The following ERBB4 variants were observed in gnomAD, a reference collection of about 807,000 sequenced individuals.
ERBB4 encodes the protein erb-b2 receptor tyrosine kinase 4.
ERBB4 carries 42 observed loss-of-function variants against 158.0 expected under a neutral mutation model. The ratio of observed to expected loss-of-function variants is 0.27; its 90% CI spans 0.21 to 0.34. The LOEUF is 0.34. Ranked by LOEUF, ERBB4 falls within the 10% of genes least tolerant of loss-of-function variation. The pLI is 1.00. For missense variants in ERBB4, 1,333 were observed against 1,624.1 expected, an observed-to-expected ratio of 0.82 and a Z score of 3.08; for synonymous variants, 583 against 558.7, an observed-to-expected ratio of 1.04 and a Z score of -0.61.
At chr2:211,673,072 C>A (rs1394981483) in intron 14 of ERBB4, 92 bp downstream of exon 14, 5 of 986,010 alleles carry the variant, frequency 5.1e-6, no homozygotes, top group Non-Finnish European at 6.5e-6. Flanking sequence ...CTGTAAGTAG[C>A]TATTGAATGG....
At chr2:212,178,567 G>A (rs1427153506) in intron 1 of ERBB4, among the ~76,000 whole-genome samples, 1 of 151,658 alleles carries the variant, frequency 6.6e-6, no homozygotes, top group Non-Finnish European at 1.5e-5. Context: ...ATTAGAGGTA[G>A]TACTGAAAAC....
At chr2:211,843,970 C>A (rs16846990) in intron 3 of ERBB4, among the ~76,000 whole-genome samples, 1 of 151,918 alleles carries the variant, frequency 6.6e-6, no homozygotes, top group African/African-American at 2.4e-5. Context: ...TCACAGAGAG[C>A]AAGAGAGGTT....
intron 20 of ERBB4, among the ~76,000 whole-genome samples, chr2:211,492,716 A>G (rs2065375159): frequency 6.6e-6 from 1 of 152,126 alleles, no homozygotes; most frequent in Non-Finnish European, 1.5e-5. Context: ...ACACTGTCAA[A>G]CTATATCTTG....
At chr2:212,079,441 T>C (rs1292437956) in intron 2 of ERBB4, among the ~76,000 whole-genome samples, 1 of 152,132 alleles carries the variant, frequency 6.6e-6, no homozygotes, top group Non-Finnish European at 1.5e-5. Context: ...CTGGAGGTAT[T>C]CATGCTTTCA....
At chr2:211,951,229 A>G (rs540085390) in intron 2 of ERBB4, among the ~76,000 whole-genome samples, 1 of 152,308 alleles carries the variant, frequency 6.6e-6, no homozygotes, top group East Asian at 1.9e-4. Flanking sequence ...AGATGGAGAA[A>G]CACATTTATA....
intron 1 of ERBB4, among the ~76,000 whole-genome samples, chr2:212,521,152 T>A (rs1338879082): frequency 6.6e-6 from 1 of 151,910 alleles, no homozygotes; most frequent in Non-Finnish European, 1.5e-5. Context: ...TAAAAAGTTA[T>A]CTCATGAATT....
At chr2:212,242,311 T>C (rs972857507) in intron 1 of ERBB4, among the ~76,000 whole-genome samples, 4 of 152,024 alleles carry the variant, frequency 2.6e-5, no homozygotes, top group Non-Finnish European at 5.9e-5. Context: ...TTTTAAAATA[T>C]CTTAGTAACA....
At chr2:211,660,136 G>A (rs1343380549) in intron 15 of ERBB4, among the ~76,000 whole-genome samples, 2 of 152,158 alleles carry the variant, frequency 1.3e-5, no homozygotes, top group African/African-American at 2.4e-5. Flanking sequence ...AACATTAGGT[G>A]GGAGCCAGAT....
At chr2:212,120,795 A>C (rs562219375) in intron 2 of ERBB4, among the ~76,000 whole-genome samples, 1 of 152,328 alleles carries the variant, frequency 6.6e-6, no homozygotes, top group East Asian at 1.9e-4. Flanking sequence ...GAAACTGTAA[A>C]ACCATTATAA....
intron 1 of ERBB4, among the ~76,000 whole-genome samples, chr2:212,402,517 A>C (rs1246664492): frequency 6.6e-6 from 1 of 152,114 alleles, no homozygotes. Flanking sequence ...AAACCTGAAT[A>C]AGACCAGTAG....
chr2:212,042,082 C>G (rs2077155039), intron 2 of ERBB4, among the ~76,000 whole-genome samples: 1 of 151,944 alleles, frequency 6.6e-6, no homozygotes, highest in Non-Finnish European at 1.5e-5. Flanking sequence ...CTCCCCCTAC[C>G]CCACCCAAAA....
intron 19 of ERBB4, among the ~76,000 whole-genome samples, chr2:211,593,705 C>T (rs919202183): frequency 6.6e-6 from 1 of 152,198 alleles, no homozygotes. Flanking sequence ...TAATGTTGAC[C>T]AGAGATAGGT....
At chr2:211,707,967 T>G (rs1435312703) in intron 9 of ERBB4, among the ~76,000 whole-genome samples, 1 of 152,172 alleles carries the variant, frequency 6.6e-6, no homozygotes, top group South Asian at 2.1e-4. Flanking sequence ...CATATGACCT[T>G]ATCAAAAGCT....
chr2:211,720,792 G>T (rs2074066592), intron 7 of ERBB4, among the ~76,000 whole-genome samples: 2 of 152,144 alleles, frequency 1.3e-5, no homozygotes. Flanking sequence ...TACCAACACT[G>T]TACTCTTCTC....
chr2:211,406,706 A>G (rs2063155338), intron 25 of ERBB4, among the ~76,000 whole-genome samples: 1 of 152,170 alleles, frequency 6.6e-6, no homozygotes, highest in African/African-American at 2.4e-5. Flanking sequence ...TACCCACAAA[A>G]GTGATAAAAA....
chr2:211,553,893 G>T (rs1417572902), intron 20 of ERBB4, among the ~76,000 whole-genome samples: 3 of 152,170 alleles, frequency 2.0e-5, no homozygotes, highest in Non-Finnish European at 4.4e-5. Flanking sequence ...TTTTGAGTTT[G>T]CTTTATTTCA....
chr2:211,794,708 G>A (rs928541690), intron 3 of ERBB4, among the ~76,000 whole-genome samples: 17 of 151,794 alleles, frequency 1.1e-4, no homozygotes, highest in African/African-American at 3.4e-4. Flanking sequence ...TAAACTCATT[G>A]ATATTCCCCG....
intron 12 of ERBB4, among the ~76,000 whole-genome samples, chr2:211,689,873 G>T (rs1052804933): frequency 6.6e-6 from 1 of 151,858 alleles, no homozygotes; most frequent in Non-Finnish European, 1.5e-5. Flanking sequence ...CTTGTAAAGA[G>T]AAGTAGAGAA....
At chr2:211,889,663 A>T (rs1436633965) in intron 3 of ERBB4, among the ~76,000 whole-genome samples, 4 of 143,800 alleles carry the variant, frequency 2.8e-5, no homozygotes, top group Non-Finnish European at 4.6e-5. Flanking sequence ...TTTGAAAAAA[A>T]TTTAGAAGAA....
Sources: gnomAD v4.1 joint callset for allele counts (sites outside exome capture counted in the v4.1 genomes callset) on GRCh38, gnomAD v4.1.1 for gene constraint, MANE v1.5 for transcripts, NCBI Gene and HGNC (gene_info 2026-07-23, HGNC 2026-07-21) for gene names.